The following LRRC7 variants were observed in gnomAD, a reference collection of about 807,000 sequenced individuals.
LRRC7 encodes the protein leucine-rich repeat-containing protein 7.
In LRRC7, 23 loss-of-function variants were observed where a neutral mutation model predicts 175.7. That is an observed-to-expected ratio of 0.13 (90% confidence interval 0.09 to 0.19). The LOEUF (loss-of-function observed/expected upper bound fraction) is 0.19. Among genes scored for constraint, LRRC7 ranks in the 10% least tolerant of loss-of-function variants. LRRC7 has a pLI of 1.00. For missense variants in LRRC7, 1,354 were observed against 1,904.7 expected (o/e 0.71, Z 5.38); for synonymous variants, 685 against 680.9 (o/e 1.01, Z -0.09).
Position 70,018,707 on chromosome 1 carries a change from C to T in LRRC7, c.1321-12C>T, listed in dbSNP as rs1003501445. The T allele has an allele frequency of 2.5e-6, 4 of 1,587,882 alleles. No individual in the cohort carries two copies. In the African/African-American group the frequency reaches 5.4e-5, roughly 21 times the overall value. ...ATTGTATTCATCTAATTTGTATGTT[C>T]TTTGCTTCTAGTCCAAAGCCCTTAT... On this transcript the variant is annotated splice_polypyrimidine_tract_variant and intron_variant, in intron 14 of 26. Coordinates refer to ENST00000651989, the MANE Select transcript of LRRC7 (RefSeq NM_001370785.2).
intron 8 of LRRC7, among the ~76,000 whole-genome samples, chr1:69,939,913 T>C (rs1648535649): frequency 6.6e-6 from 1 of 152,110 alleles, no homozygotes; most frequent in Non-Finnish European, 1.5e-5. Context: ...AATCATTCCA[T>C]AGTTAGCTGT....
chr1:69,980,458 G>GT lies in LRRC7; in HGVS notation c.786+6dup. 1 of 1,591,702 alleles carries GT rather than the reference G, an allele frequency of 6.3e-7. No individual in the cohort carries two copies. Among genetic ancestry groups the GT allele is most frequent in the South Asian group, 1.1e-5 (1 of 88,400 alleles). The stretch of plus-strand genomic sequence containing the variant: ...GCATTACAAGTGTTACCTGGGGTAT[G>GT]TAAGTTTTTATTCTACCATGTTGTT... On this transcript the variant is annotated splice_donor_region_variant and intron_variant, in intron 9 of 26. Coordinates refer to ENST00000651989, the MANE Select transcript of LRRC7 (RefSeq NM_001370785.2).
chr1:69,723,479 C>T (rs554196880), intron 2 of LRRC7, among the ~76,000 whole-genome samples: 75 of 152,150 alleles, frequency 4.9e-4, no homozygotes, highest in South Asian at 8.3e-4. Context: ...GAAGTCCTTC[C>T]GACTTCTTTC....
At chr1:69,826,084 G>A (rs921812077) in intron 5 of LRRC7, among the ~76,000 whole-genome samples, 2 of 152,058 alleles carry the variant, frequency 1.3e-5, no homozygotes, top group East Asian at 3.9e-4. Flanking sequence ...CAGCTCTCAG[G>A]TAACACTCCA....
At chr1:69,674,237 T>C (rs1202542319) in intron 1 of LRRC7, among the ~76,000 whole-genome samples, 2 of 152,106 alleles carry the variant, frequency 1.3e-5, no homozygotes, top group Non-Finnish European at 2.9e-5. Context: ...ACTCCCCTAG[T>C]GGAATTATAA....
chr1:69,982,653 G>A (rs1292791158), intron 9 of LRRC7, among the ~76,000 whole-genome samples: 1 of 152,140 alleles, frequency 6.6e-6, no homozygotes, highest in East Asian at 1.9e-4. Context: ...CTTTTACATA[G>A]TTCTATCTTG....
At chr1:70,005,625 A>G (rs940360830) in intron 11 of LRRC7, among the ~76,000 whole-genome samples, 1 of 152,206 alleles carries the variant, frequency 6.6e-6, no homozygotes, top group African/African-American at 2.4e-5. Context: ...TACATGACCT[A>G]AACACAACTA....
intron 2 of LRRC7, among the ~76,000 whole-genome samples, chr1:69,678,827 T>C (rs1660126482): frequency 6.6e-6 from 1 of 152,186 alleles, no homozygotes; most frequent in Non-Finnish European, 1.5e-5. Context: ...TTTTGAAATG[T>C]ATCTAAAGTC....
intron 4 of LRRC7, among the ~76,000 whole-genome samples, chr1:69,813,630 A>G (rs974044340): frequency 1.3e-5 from 2 of 152,236 alleles, no homozygotes; most frequent in Admixed American, 1.3e-4. Flanking sequence ...CCTATAAAAC[A>G]TAATGCTTCC....
intron 23 of LRRC7, among the ~76,000 whole-genome samples, chr1:70,074,097 G>A (rs991863833): frequency 6.6e-6 from 1 of 152,022 alleles, no homozygotes; most frequent in African/African-American, 2.4e-5. Flanking sequence ...AGCTACTTGG[G>A]AGGCTGAGGC....
intron 3 of LRRC7, among the ~76,000 whole-genome samples, chr1:69,780,305 C>G (rs1673339161): frequency 6.6e-6 from 1 of 152,154 alleles, no homozygotes; most frequent in Non-Finnish European, 1.5e-5. Flanking sequence ...CTTTGCAAAG[C>G]CATCTCTCTG....
chr1:70,058,079 G>A (rs12061468), intron 23 of LRRC7, among the ~76,000 whole-genome samples: 2 of 146,756 alleles, frequency 1.4e-5, no homozygotes, highest in South Asian at 4.3e-4. Flanking sequence ...GTGTGATCTC[G>A]GCTCATTGCA....
At chr1:69,765,007 T>C (rs1671472101) in intron 3 of LRRC7, among the ~76,000 whole-genome samples, 1 of 152,058 alleles carries the variant, frequency 6.6e-6, no homozygotes, top group African/African-American at 2.4e-5. Context: ...ATCTGAAATC[T>C]TCAAAGACGT....
intron 7 of LRRC7, among the ~76,000 whole-genome samples, chr1:69,872,598 C>T (rs1483856326): frequency 4.6e-5 from 7 of 151,894 alleles, no homozygotes; most frequent in African/African-American, 1.7e-4. Context: ...TGATTTTGTT[C>T]TCATATATAC....
chr1:69,754,925 A>G (rs1157016730), intron 2 of LRRC7, among the ~76,000 whole-genome samples: 1 of 152,038 alleles, frequency 6.6e-6, no homozygotes, highest in Non-Finnish European at 1.5e-5. Flanking sequence ...ATGATATTGT[A>G]AAGAAAAAAA....
At chr1:70,030,702 A>G (rs1658625300) in intron 18 of LRRC7, among the ~76,000 whole-genome samples, 1 of 152,228 alleles carries the variant, frequency 6.6e-6, no homozygotes, top group Non-Finnish European at 1.5e-5. Context: ...GTGATTAAAT[A>G]TAGAAAACCC....
chr1:69,663,279 A>G lies in LRRC7; in HGVS notation c.3-15102A>G. 1.3e-5 allele frequency among the ~76,000 whole-genome samples: 2 copies of G among 151,926 alleles called. 1 individual carries two copies. Among genetic ancestry groups the G allele is most frequent in the East Asian group, 3.8e-4 (2 of 5,204 alleles). On this transcript the variant is annotated intron_variant, in intron 1 of 26. Transcript: ENST00000651989. ...TTTCAGATGTGCTGTAGTATGTAAT[A>G]CAGTTTTCACATGGTTATTTGGATT...
chr1:69,637,726 C>T (rs533973690), intron 1 of LRRC7, among the ~76,000 whole-genome samples: 42 of 151,980 alleles, frequency 2.8e-4, no homozygotes, highest in Admixed American at 1.6e-3. Flanking sequence ...TAATCCATCT[C>T]CCTGTAACTA....
chr1:69,977,145 A>C (rs1042493114), intron 8 of LRRC7, among the ~76,000 whole-genome samples: 1 of 152,146 alleles, frequency 6.6e-6, no homozygotes, highest in African/African-American at 2.4e-5. Context: ...ATATCCTGTC[A>C]CCAAGTCCTA....
Sources: allele counts gnomAD v4.1 joint callset (sites outside exome capture counted in the v4.1 genomes callset), GRCh38; gene constraint gnomAD v4.1.1; transcripts MANE v1.5; gene names NCBI Gene and HGNC (gene_info 2026-07-23, HGNC 2026-07-21).